IQCJ: variants seen among roughly 807,000 people sequenced by gnomAD.
The protein encoded by IQCJ is IQ domain-containing protein J.
In IQCJ, 9 loss-of-function variants were observed where a neutral mutation model predicts 11.0. The observed-to-expected ratio is 0.82, with a 90% confidence interval of 0.49 to 1.43. IQCJ has a LOEUF of 1.43. Among genes scored for constraint, IQCJ ranks in the 40% most tolerant of loss-of-function variants. IQCJ has a pLI of 0.00. For synonymous variants in IQCJ, 55 were observed against 51.3 expected, an observed-to-expected ratio of 1.07 and a Z score of -0.31; for missense variants, 146 against 133.2, an observed-to-expected ratio of 1.10 and a Z score of -0.47.
intron 1 of IQCJ, among the ~76,000 whole-genome samples, chr3:159,101,228 C>T (rs989006756): frequency 6.7e-6 from 1 of 148,420 alleles, no homozygotes; most frequent in African/African-American, 2.5e-5. Context: ...TGCTTCGGCT[C>T]GCGCACGGTG....
At chr3:159,264,609 T>C (rs184860670), downstream of IQCJ, among the ~76,000 whole-genome samples, 98 of 152,298 alleles carry the variant, frequency 6.4e-4, 1 homozygote, top group African/African-American at 2.3e-3. Flanking sequence ...TGAATGGCAG[T>C]CTGGCTCACC....
intron 1 of IQCJ, among the ~76,000 whole-genome samples, chr3:159,207,485 A>G (rs1006064633): frequency 3.3e-5 from 5 of 152,210 alleles, no homozygotes; most frequent in African/African-American, 9.7e-5. Flanking sequence ...TGATCAAAGC[A>G]AAAAATAAAT....
intron 1 of IQCJ, among the ~76,000 whole-genome samples, chr3:159,070,234 A>G (rs1715474378): frequency 6.6e-6 from 1 of 152,120 alleles, no homozygotes; most frequent in African/African-American, 2.4e-5. Flanking sequence ...GTGAGAGTGC[A>G]GGCTCATAAA....
intron 1 of IQCJ, 164 bp downstream of exon 1, chr3:159,069,605 G>A (rs1304333951): frequency 7.5e-6 from 7 of 930,754 alleles, no homozygotes; most frequent in Non-Finnish European, 3.1e-6. Context: ...GCGTGTGCAT[G>A]TGTCCTTGTT....
At chr3:159,084,913 C>CT (rs59109822) in intron 1 of IQCJ, among the ~76,000 whole-genome samples, 106,118 of 148,902 alleles carry the variant, frequency 0.71, 37,802 homozygotes, top group East Asian at 0.81. Flanking sequence ...TGCATAAGTT[C>CT]TTTTTTTTTT....
chr3:159,162,284 T>C, intron 1 of IQCJ, among the ~76,000 whole-genome samples: 1 of 152,230 alleles, frequency 6.6e-6, no homozygotes, highest in Non-Finnish European at 1.5e-5. Context: ...TTTTATTCTC[T>C]TTGAAGCAAT....
intron 1 of IQCJ, among the ~76,000 whole-genome samples, chr3:159,088,471 C>A (rs1239947484): frequency 6.6e-6 from 1 of 152,028 alleles, no homozygotes; most frequent in Non-Finnish European, 1.5e-5. Context: ...TCCTGGGTAT[C>A]CTTGTTGATT....
chr3:159,160,414 T>G (rs1721771260), intron 1 of IQCJ, among the ~76,000 whole-genome samples: 1 of 152,186 alleles, frequency 6.6e-6, no homozygotes, highest in Non-Finnish European at 1.5e-5. Flanking sequence ...GCCATTCTTC[T>G]GCCTCAACCT....
intron 1 of IQCJ, among the ~76,000 whole-genome samples, chr3:159,083,299 ATACAT>A (rs778056058): frequency 1.3e-5 from 2 of 152,172 alleles, no homozygotes; most frequent in African/African-American, 4.8e-5. Flanking sequence ...ATTGGACAAA[ATACAT>A]ATACATACAT....
chr3:159,113,877 A>G (rs926000353), intron 1 of IQCJ, among the ~76,000 whole-genome samples: 8 of 151,728 alleles, frequency 5.3e-5, no homozygotes, highest in Non-Finnish European at 7.4e-5. Flanking sequence ...ATTTCTTTTT[A>G]TACATTGAAA....
chr3:159,247,745 G>GT (rs1727356486), intron 2 of IQCJ, among the ~76,000 whole-genome samples: 2 of 152,338 alleles, frequency 1.3e-5, no homozygotes, highest in African/African-American at 4.8e-5. Flanking sequence ...TTTGTAGCTT[G>GT]TTTGGGGGAG....
At chr3:159,193,522 T>G (rs1303467004) in intron 1 of IQCJ, among the ~76,000 whole-genome samples, 1 of 152,224 alleles carries the variant, frequency 6.6e-6, no homozygotes, top group Admixed American at 6.5e-5. Context: ...CCAACTCTGC[T>G]TCACTCTAAA....
chr3:159,179,333 A>G (rs1200733125), intron 1 of IQCJ, among the ~76,000 whole-genome samples: 2 of 152,140 alleles, frequency 1.3e-5, no homozygotes, highest in Non-Finnish European at 2.9e-5. Flanking sequence ...TCATGGTCAG[A>G]GGTTCTCACC....
chr3:159,081,106 C>G (rs1255617486), intron 1 of IQCJ, among the ~76,000 whole-genome samples: 8 of 152,082 alleles, frequency 5.3e-5, no homozygotes, highest in Admixed American at 4.6e-4. Flanking sequence ...TCATCATGGA[C>G]TCAAGTCCCC....
intron 1 of IQCJ, among the ~76,000 whole-genome samples, chr3:159,183,353 T>C (rs1723200941): frequency 6.6e-6 from 1 of 152,230 alleles, no homozygotes; most frequent in Admixed American, 6.5e-5. Flanking sequence ...CTTTTTTGAC[T>C]GATTTCCCAG....
At chr3:159,233,208 G>A (rs1726368464) in intron 1 of IQCJ, among the ~76,000 whole-genome samples, 1 of 152,064 alleles carries the variant, frequency 6.6e-6, no homozygotes, top group Admixed American at 6.5e-5. Flanking sequence ...AATTAAGTCG[G>A]TTGGGGATGG....
intron 1 of IQCJ, among the ~76,000 whole-genome samples, chr3:159,140,724 T>C (rs1720554846): frequency 6.6e-6 from 1 of 152,230 alleles, no homozygotes; most frequent in Admixed American, 6.5e-5. Context: ...TCTACTGCTC[T>C]GTCCCTCCAT....
At chr3:159,259,294 G>T (rs1219750721) in intron 3 of IQCJ, among the ~76,000 whole-genome samples, 5 of 152,188 alleles carry the variant, frequency 3.3e-5, no homozygotes, top group African/African-American at 1.2e-4. Flanking sequence ...AAATGTATTT[G>T]TCATCTGTTT....
At chr3:159,123,003 G>A (rs191806244) in intron 1 of IQCJ, among the ~76,000 whole-genome samples, 32 of 152,074 alleles carry the variant, frequency 2.1e-4, no homozygotes, top group Non-Finnish European at 1.9e-4. Flanking sequence ...CATTTATCTC[G>A]GTCAGTCTTA....
Sources: allele counts gnomAD v4.1 joint callset (sites outside exome capture counted in the v4.1 genomes callset), GRCh38; gene constraint gnomAD v4.1.1; transcripts MANE v1.5; gene names NCBI Gene and HGNC (gene_info 2026-07-23, HGNC 2026-07-21).